The following OSMR variants were observed in gnomAD, a reference collection of about 807,000 sequenced individuals.
OSMR encodes the protein oncostatin-M-specific receptor subunit beta.
OSMR carries 81 observed loss-of-function variants against 99.9 expected under a neutral mutation model. That is an observed-to-expected ratio of 0.81 (90% CI 0.68 to 0.97). The LOEUF is 0.97. OSMR is among the 50% of genes least tolerant of loss of function. OSMR has a pLI of 0.00. For missense variants in OSMR, 1,099 were observed against 1,153.4 expected, an observed-to-expected ratio of 0.95 and a Z score of 0.68; for synonymous variants, 406 against 410.4, an observed-to-expected ratio of 0.99 and a Z score of 0.13.
rs141079231 is a variant in OSMR at position 38,930,367 on chromosome 5, C to T, written c.2213-1516C>T. Among the ~76,000 whole-genome samples, 29 of 152,258 alleles carry T rather than the reference C, an allele frequency of 1.9e-4. No individual in the cohort carries two copies. The East Asian group carries it at 2.3e-3, about 12-fold the overall frequency. On this transcript the variant is annotated intron_variant, in intron 15 of 17. Coordinates refer to ENST00000274276, the MANE Select transcript of OSMR (RefSeq NM_003999.3). The stretch of plus-strand genomic sequence containing the variant: ...TAGAACCCTGTGTTGCCTCATAGCA[C>T]GGGCTTGTGCATCTACCCAGGGCCA...
intron 2 of OSMR, chr5:38,944,408 G>C (rs1747946337): frequency 1.9e-6 from 3 of 1,574,790 alleles, no homozygotes; most frequent in Non-Finnish European, 2.6e-6. Flanking sequence ...TTAAAAAACA[G>C]AATAAACAAA....
chr5:38,912,177 GTC>G (rs1745631840), intron 9 of OSMR, among the ~76,000 whole-genome samples: 1 of 152,032 alleles, frequency 6.6e-6, no homozygotes. Context: ...AAACCCCATA[GTC>G]TCTGCATAAA....
intron 15 of OSMR, among the ~76,000 whole-genome samples, chr5:38,925,593 T>C (rs1051678515): frequency 6.6e-6 from 1 of 152,180 alleles, no homozygotes; most frequent in Non-Finnish European, 1.5e-5. Flanking sequence ...ATCTGTCTGA[T>C]TAAGGCCTAA....
At chr5:38,898,950 CTTTTTTTT>C (rs58159819) in intron 7 of OSMR, among the ~76,000 whole-genome samples, 1,816 of 78,332 alleles carry the variant, frequency 0.023, 19 homozygotes, top group Non-Finnish European at 0.03. Context: ...TACATAATAT[CTTTTTTTT>C]TTTTTTTTTT....
chr5:38,944,814 G>C, intron 2 of OSMR: 3 of 1,210,404 alleles, frequency 2.5e-6, no homozygotes, highest in South Asian at 2.5e-5. Context: ...TTACTGTTTT[G>C]AGACAACTTT....
chr5:38,911,832 T>C (rs369311010), intron 9 of OSMR, among the ~76,000 whole-genome samples: 4 of 152,284 alleles, frequency 2.6e-5, no homozygotes, highest in African/African-American at 9.6e-5. Context: ...TCTCAATATA[T>C]GCAGAAAAAG....
At chr5:38,924,371 G>A (rs1746372266) in intron 13 of OSMR, 51 bp from the exon 14 acceptor site, 2 of 1,612,336 alleles carry the variant, frequency 1.2e-6, no homozygotes, top group Non-Finnish European at 1.7e-6. Flanking sequence ...TGAATATTCT[G>A]AGACTGTTTC....
intron 9 of OSMR, among the ~76,000 whole-genome samples, chr5:38,916,772 G>C (rs180745076): frequency 6.6e-6 from 1 of 152,120 alleles, no homozygotes. Context: ...ATTGAAGCAG[G>C]TTGTTTTCTG....
chr5:38,926,830 T>C (rs1451698676), intron 15 of OSMR, among the ~76,000 whole-genome samples: 1 of 152,032 alleles, frequency 6.6e-6, no homozygotes, highest in African/African-American at 2.4e-5. Context: ...AAAGTCCAAG[T>C]CCAAAGTCTA....
intron 9 of OSMR, among the ~76,000 whole-genome samples, chr5:38,916,074 A>G (rs1745879315): frequency 6.6e-6 from 1 of 152,238 alleles, no homozygotes; most frequent in Non-Finnish European, 1.5e-5. Context: ...AAATTGTATC[A>G]GTAGAAAATT....
intron 3 of OSMR, among the ~76,000 whole-genome samples, chr5:38,880,528 G>A (rs1743196045): frequency 6.6e-6 from 1 of 152,166 alleles, no homozygotes; most frequent in East Asian, 1.9e-4. Context: ...TATAGGAGGG[G>A]CTCAGAAGGG....
intron 3 of OSMR, among the ~76,000 whole-genome samples, chr5:38,878,291 CT>C (rs1377301500): frequency 6.6e-6 from 1 of 152,136 alleles, no homozygotes; most frequent in East Asian, 1.9e-4. Context: ...CAAAATCTCC[CT>C]TATACAGGGA....
At chr5:38,863,143 G>A (rs1320931688) in intron 1 of OSMR, among the ~76,000 whole-genome samples, 3 of 140,780 alleles carry the variant, frequency 2.1e-5, no homozygotes, top group African/African-American at 5.2e-5. Context: ...CGGCATCAGA[G>A]GGAGACCATG....
At position 38,924,410 on chromosome 5, in the gene OSMR, T is replaced by C; in HGVS notation, c.1871-12T>C. 2 of 1,614,118 alleles carry C rather than the reference T, an allele frequency of 1.2e-6. No individual in the cohort carries two copies. Among genetic ancestry groups the C allele is most frequent in the Non-Finnish European group, 1.7e-6 (2 of 1,179,970 alleles). On this transcript the variant is annotated splice_polypyrimidine_tract_variant and intron_variant, in intron 13 of 17. Coordinates refer to ENST00000274276, the MANE Select transcript of OSMR (RefSeq NM_003999.3). ...ATCATGACTTTTCTCTTATCCCAAC[T>C]TCTTTTCCTAGCTCCTTCAGACAAC...
intron 1 of OSMR, among the ~76,000 whole-genome samples, chr5:38,854,781 T>C (rs1325888459): frequency 6.6e-6 from 1 of 152,140 alleles, no homozygotes; most frequent in Non-Finnish European, 1.5e-5. Flanking sequence ...TATAGTCTAG[T>C]TGGGAATAAT....
intron 12 of OSMR, 83 bp downstream of exon 12, chr5:38,921,877 C>G (rs568704981): frequency 8.5e-7 from 1 of 1,181,820 alleles, no homozygotes; most frequent in African/African-American, 1.5e-5. Context: ...ACTTCACAGA[C>G]TTTGACTGTG....
At chr5:38,851,832 C>G (rs1438094918) in intron 1 of OSMR, among the ~76,000 whole-genome samples, 1 of 152,078 alleles carries the variant, frequency 6.6e-6, no homozygotes, top group African/African-American at 2.4e-5. Flanking sequence ...GGGCAGTTTC[C>G]CCCATACTGT....
rs957134376 is a variant in OSMR, at chr5:38,932,211, A to C, written c.2294+247A>C. On this transcript the variant is annotated intron_variant, in intron 16 of 17. Transcript: ENST00000274276. ...TTCAACAGCAATAGCTAATATTTAT[A>C]TCTCTCTTACTGTATGTTTGGCAAT... Among the ~76,000 whole-genome samples the C allele has an allele frequency of 3.9e-5, 6 of 152,332 alleles. No individual in the cohort carries two copies. The East Asian group carries it at 9.6e-4, about 24-fold the overall frequency.
At chr5:38,939,782 T>A (rs983391552), downstream of OSMR, 2 of 226,568 alleles carry the variant, frequency 8.8e-6, no homozygotes, top group Non-Finnish European at 1.8e-5. Flanking sequence ...TATTCTATAG[T>A]CTGTAATATC....
Sources: gnomAD v4.1 joint callset for allele counts (sites outside exome capture counted in the v4.1 genomes callset) on GRCh38, gnomAD v4.1.1 for gene constraint, MANE v1.5 for transcripts, NCBI Gene and HGNC (gene_info 2026-07-23, HGNC 2026-07-21) for gene names.